The following CDH18 variants were observed in gnomAD, a reference collection of about 807,000 sequenced individuals.
The protein encoded by CDH18 is cadherin 18.
A neutral mutation model predicts 67.9 loss-of-function variants in CDH18; 31 were observed. That is an observed-to-expected ratio of 0.46 (90% CI 0.34 to 0.62). The LOEUF is 0.62. CDH18 is among the 20% of genes least tolerant of loss of function. CDH18 has a pLI of 0.01. For synonymous variants in CDH18, 362 were observed against 347.2 expected (o/e 1.04, Z -0.48); for missense variants, 890 against 975.5 (o/e 0.91, Z 1.17).
chr5:19,873,506 C>T (rs1186125824), intron 2 of CDH18, among the ~76,000 whole-genome samples: 1 of 151,988 alleles, frequency 6.6e-6, no homozygotes, highest in Non-Finnish European at 1.5e-5. Context: ...TGAAAAGGCA[C>T]ATAGAATGAA....
intron 7 of CDH18, among the ~76,000 whole-genome samples, chr5:19,576,674 T>G (rs963987912): frequency 6.6e-6 from 1 of 152,138 alleles, no homozygotes; most frequent in Non-Finnish European, 1.5e-5. Context: ...TGGAAAAAAG[T>G]ATGAAGGTTC....
At chr5:19,644,062 C>A (rs529904941) in intron 5 of CDH18, among the ~76,000 whole-genome samples, 126 of 152,192 alleles carry the variant, frequency 8.3e-4, no homozygotes, top group Non-Finnish European at 1.6e-3. Flanking sequence ...TAGTTATATT[C>A]CCTATTTGGG....
At chr5:20,500,519 G>A (rs965199177) in intron 1 of CDH18, among the ~76,000 whole-genome samples, 16 of 152,132 alleles carry the variant, frequency 1.1e-4, no homozygotes, top group African/African-American at 3.4e-4. Flanking sequence ...GAACATCTGG[G>A]AACAGGTATA....
chr5:20,568,570 A>G (rs1332565707), intron 1 of CDH18, among the ~76,000 whole-genome samples: 4 of 152,040 alleles, frequency 2.6e-5, no homozygotes, highest in African/African-American at 9.7e-5. Context: ...AAGCAAACTA[A>G]AATTATTAAA....
chr5:19,761,055 AG>A (rs1449351901), intron 3 of CDH18, among the ~76,000 whole-genome samples: 8 of 152,150 alleles, frequency 5.3e-5, no homozygotes, highest in Admixed American at 4.6e-4. Context: ...TCCAAGTTTC[AG>A]GGTCCCCTTC....
At chr5:19,737,698 T>C (rs1459715196) in intron 4 of CDH18, among the ~76,000 whole-genome samples, 13 of 152,226 alleles carry the variant, frequency 8.5e-5, no homozygotes, top group Non-Finnish European at 7.3e-5. Flanking sequence ...ATCCTGATTG[T>C]TTAAATAAAA....
chr5:19,763,117 A>C (rs1490578486), intron 3 of CDH18, among the ~76,000 whole-genome samples: 2 of 152,118 alleles, frequency 1.3e-5, no homozygotes, highest in Non-Finnish European at 2.9e-5. Flanking sequence ...GGGATGGGGG[A>C]GGGATAGCAT....
At chr5:20,160,159 A>G (rs1751862272) in intron 2 of CDH18, among the ~76,000 whole-genome samples, 1 of 152,242 alleles carries the variant, frequency 6.6e-6, no homozygotes, top group Admixed American at 6.5e-5. Context: ...CCTAACACAG[A>G]AACATTTCAA....
At chr5:19,891,558 T>C (rs1788784616) in intron 2 of CDH18, among the ~76,000 whole-genome samples, 1 of 152,172 alleles carries the variant, frequency 6.6e-6, no homozygotes, top group Non-Finnish European at 1.5e-5. Flanking sequence ...AGCCCCAAAT[T>C]GATCAAGATT....
At chr5:19,994,219 A>C (rs1046268842) in intron 2 of CDH18, among the ~76,000 whole-genome samples, 1 of 151,866 alleles carries the variant, frequency 6.6e-6, no homozygotes, top group South Asian at 2.1e-4. Flanking sequence ...ATGTGTGTAT[A>C]TGTGCATACA....
chr5:19,656,450 G>A (rs1023169796), intron 5 of CDH18, among the ~76,000 whole-genome samples: 6 of 151,992 alleles, frequency 3.9e-5, no homozygotes, highest in Non-Finnish European at 8.8e-5. Context: ...TTAATCAAGT[G>A]TTATTGAGTC....
At chr5:20,172,190 GTATATATATATATATATATATA>G (rs70954640) in intron 2 of CDH18, among the ~76,000 whole-genome samples, 2 of 23,330 alleles carry the variant, frequency 8.6e-5, no homozygotes, top group Non-Finnish European at 1.5e-4. Context: ...AGCATTGTGT[GTATATATATATATATATATATA>G]TATATATATA....
intron 1 of CDH18, among the ~76,000 whole-genome samples, chr5:20,544,678 C>A (rs1366368338): frequency 1.3e-5 from 2 of 152,124 alleles, no homozygotes. Context: ...CTCCCATAAT[C>A]CAATCACCTC....
chr5:19,954,861 AAAG>A (rs1033056276), intron 2 of CDH18, among the ~76,000 whole-genome samples: 15 of 151,898 alleles, frequency 9.9e-5, no homozygotes, highest in Non-Finnish European at 1.6e-4. Flanking sequence ...GGAAAAAAAA[AAAG>A]AGTTATTGGG....
intron 1 of CDH18, among the ~76,000 whole-genome samples, chr5:20,303,825 T>A (rs1292598824): frequency 2.0e-5 from 3 of 152,188 alleles, no homozygotes; most frequent in Non-Finnish European, 2.9e-5. Context: ...AAAAATTGCA[T>A]TCAAATGTAT....
chr5:19,855,948 CA>C lies in CDH18; in HGVS notation c.-256-16707del, dbSNP rs537103396. The stretch of plus-strand genomic sequence containing the variant: ...ATTTGGAAGAAAATGGCAGAAAAGA[CA>C]GTTATTATTTTCTCTATTGAGAGAA... On this transcript the variant is annotated intron_variant, in intron 2 of 12. Transcript: ENST00000382275. Among the ~76,000 whole-genome samples, 46 of 152,232 alleles carry C rather than the reference CA, an allele frequency of 3.0e-4. No homozygotes were observed. In the East Asian group the frequency reaches 8.7e-3, roughly 29 times the overall value.
At chr5:19,921,554 T>G (rs1408069511) in intron 2 of CDH18, among the ~76,000 whole-genome samples, 1 of 149,260 alleles carries the variant, frequency 6.7e-6, no homozygotes, top group African/African-American at 2.5e-5. Context: ...AAGCCAAAAT[T>G]AAAGACATAA....
intron 1 of CDH18, among the ~76,000 whole-genome samples, chr5:20,409,775 A>G (rs1041246088): frequency 8.6e-5 from 13 of 151,686 alleles, no homozygotes; most frequent in African/African-American, 3.1e-4. Context: ...AATAAAAAAG[A>G]AAAGAGAAAT....
At chr5:19,906,826 C>T (rs189202561) in intron 2 of CDH18, among the ~76,000 whole-genome samples, 54 of 151,948 alleles carry the variant, frequency 3.6e-4, no homozygotes, top group African/African-American at 1.3e-3. Context: ...TAAATAAAAT[C>T]CACAACCAAT....
Sources: gnomAD v4.1 joint callset for allele counts (sites outside exome capture counted in the v4.1 genomes callset) on GRCh38, gnomAD v4.1.1 for gene constraint, MANE v1.5 for transcripts, NCBI Gene and HGNC (gene_info 2026-07-23, HGNC 2026-07-21) for gene names.